Variants in PCDH15 observed in about 807,000 individuals in gnomAD.
PCDH15 encodes the protein protocadherin-15.
A neutral mutation model predicts 178.5 loss-of-function variants in PCDH15; 129 were observed. The observed-to-expected ratio is 0.72, with a 90% confidence interval of 0.63 to 0.84. The LOEUF is 0.84. PCDH15 is among the 40% of genes least tolerant of loss of function. PCDH15 has a pLI of 0.00. For missense variants in PCDH15, 2,230 were observed against 2,099.9 expected (o/e 1.06, Z -1.21); for synonymous variants, 800 against 732.0 (o/e 1.09, Z -1.50).
At chr10:54,716,046 T>C (rs796448383) in intron 1 of PCDH15, among the ~76,000 whole-genome samples, 1 of 152,254 alleles carries the variant, frequency 6.6e-6, no homozygotes, top group African/African-American at 2.4e-5. Flanking sequence ...AGCAGAAGTT[T>C]CTAGAATTCA....
intron 15 of PCDH15, among the ~76,000 whole-genome samples, chr10:54,104,217 T>G (rs2094866135): frequency 2.0e-5 from 3 of 152,182 alleles, no homozygotes; most frequent in Admixed American, 2.0e-4. Flanking sequence ...TTTCCACGAC[T>G]AGGAATGGAG....
chr10:53,982,880 A>G (rs2090783468), intron 21 of PCDH15, among the ~76,000 whole-genome samples: 1 of 152,094 alleles, frequency 6.6e-6, no homozygotes, highest in South Asian at 2.1e-4. Context: ...GGTCCTTAGT[A>G]TCAGGGGAAA....
rs2132097214 is a variant in PCDH15 at position 55,463,971 on chromosome 10, AAGAGAAAGAAAGAAAGAAAGAGAAAG to A, written c.-156+163628_-156+163653del. 4.5e-4 allele frequency among the ~76,000 whole-genome samples: 9 copies of A among 20,184 alleles called. 2 individuals are homozygous for A. Among genetic ancestry groups the A allele is most frequent in the African/African-American group, 4.0e-3 (9 of 2,270 alleles). The allele number at this position is 20,184 out of a possible 152,430, so 13.2% of individuals were successfully genotyped here. ...AAAGAAAGAAAGAAAGAAAGAAAGA[AAGAGAAAGAAAGAAAGAAAGAGAAAG>A]AAAGAAAGAAAGAAAGAAAGAAAGA... On this transcript the variant is annotated intron_variant, in intron 2 of 5. Coordinates refer to the PCDH15 transcript ENST00000613346.
intron 2 of PCDH15, among the ~76,000 whole-genome samples, chr10:55,503,546 C>G (rs187692128): frequency 6.6e-6 from 1 of 150,798 alleles, no homozygotes; most frequent in Non-Finnish European, 1.5e-5. Flanking sequence ...GCATAGGAAG[C>G]CAGAGGACAA....
In PCDH15 at chr10:53,806,516, TA is replaced by T. The variant is rs1451562454; in HGVS notation, c.*62del. 1.5e-6 allele frequency: 2 copies of T among 1,342,832 alleles called. No homozygotes were observed. The highest frequency in any genetic ancestry group is 2.0e-6 in the Non-Finnish European group (2 of 989,636). The allele number at this position is 1,342,832 out of a possible 1,614,324, so 83.2% of individuals were successfully genotyped here. On this transcript the variant is annotated 3_prime_UTR_variant, in exon 38 of 38. Coordinates refer to ENST00000644397, the MANE Select transcript of PCDH15 (RefSeq NM_001384140.1). ...CCATACATTGTTTTCTCAGTGACAATAAAAAGCACAGTTTATTAAAAATGTA... is the reference window on the plus strand; with the variant it reads ...CCATACATTGTTTTCTCAGTGACAATAAAAGCACAGTTTATTAAAAATGTA...
At chr10:53,812,786 A>AG (rs1203145376) in intron 35 of PCDH15, among the ~76,000 whole-genome samples, 1 of 152,046 alleles carries the variant, frequency 6.6e-6, no homozygotes, top group Non-Finnish European at 1.5e-5. Flanking sequence ...ACGAGAAGAG[A>AG]GGGGGGAAAA....
intron 35 of PCDH15, among the ~76,000 whole-genome samples, chr10:53,812,131 A>AGTTAAT (rs2075888067): frequency 6.6e-6 from 1 of 152,202 alleles, no homozygotes; most frequent in Non-Finnish European, 1.5e-5. Flanking sequence ...CAAGAATTTA[A>AGTTAAT]GTTAATGTGT....
At chr10:55,401,025 G>T (rs1055535823) in intron 2 of PCDH15, among the ~76,000 whole-genome samples, 4 of 151,998 alleles carry the variant, frequency 2.6e-5, no homozygotes, top group Admixed American at 1.3e-4. Flanking sequence ...TATACAGCTT[G>T]GTTAGGTTCT....
At chr10:55,114,988 C>T (rs1465832321) in intron 2 of PCDH15, among the ~76,000 whole-genome samples, 1 of 152,028 alleles carries the variant, frequency 6.6e-6, no homozygotes. Context: ...AGCATATTGG[C>T]AATAATGAAA....
chr10:54,418,049 C>A (rs947129048), intron 3 of PCDH15, among the ~76,000 whole-genome samples: 1 of 152,152 alleles, frequency 6.6e-6, no homozygotes, highest in Non-Finnish European at 1.5e-5. Context: ...GCTGGAATTG[C>A]AGGTGCCCAG....
chr10:54,566,656 T>C (rs565386867), intron 2 of PCDH15, among the ~76,000 whole-genome samples: 43 of 152,290 alleles, frequency 2.8e-4, no homozygotes, highest in African/African-American at 8.7e-4. Flanking sequence ...TTCATGTCTT[T>C]TCAAGGCTTG....
At chr10:54,143,582 C>T (rs978351646) in intron 14 of PCDH15, among the ~76,000 whole-genome samples, 4 of 152,054 alleles carry the variant, frequency 2.6e-5, no homozygotes, top group Non-Finnish European at 4.4e-5. Flanking sequence ...ATTGTTAACC[C>T]AACATGAAGC....
At chr10:54,667,977 A>G (rs1276116061) in intron 1 of PCDH15, among the ~76,000 whole-genome samples, 1 of 152,092 alleles carries the variant, frequency 6.6e-6, no homozygotes, top group Non-Finnish European at 1.5e-5. Context: ...TTCCATGTGC[A>G]TTTTATGACA....
chr10:53,930,990 A>G (rs2085012067), intron 25 of PCDH15, among the ~76,000 whole-genome samples: 1 of 152,232 alleles, frequency 6.6e-6, no homozygotes, highest in South Asian at 2.1e-4. Flanking sequence ...ATATGGGAGT[A>G]AAGGAAGAAA....
intron 2 of PCDH15, among the ~76,000 whole-genome samples, chr10:54,646,598 A>T (rs2094134536): frequency 6.6e-6 from 1 of 152,090 alleles, no homozygotes; most frequent in South Asian, 2.1e-4. Context: ...AAATACAATG[A>T]TTAAGAGTGT....
intron 8 of PCDH15, among the ~76,000 whole-genome samples, chr10:54,280,437 CCTG>C (rs1218373726): frequency 2.0e-5 from 3 of 151,660 alleles, no homozygotes; most frequent in African/African-American, 7.2e-5. Context: ...CTCAGCAAGC[CCTG>C]CTATCTCATG....
At chr10:54,746,833 G>A (rs889395657) in intron 1 of PCDH15, among the ~76,000 whole-genome samples, 1 of 152,110 alleles carries the variant, frequency 6.6e-6, no homozygotes, top group Non-Finnish European at 1.5e-5. Flanking sequence ...AAAGTCCAGC[G>A]GACACCACGT....
chr10:55,302,801 T>G (rs530523254), intron 1 of PCDH15, among the ~76,000 whole-genome samples: 1 of 152,162 alleles, frequency 6.6e-6, no homozygotes, highest in East Asian at 1.9e-4. Context: ...CCTTGTAAAC[T>G]TGTCACACAT....
intron 1 of PCDH15, among the ~76,000 whole-genome samples, chr10:54,666,595 A>T (rs2135449927): frequency 6.6e-6 from 1 of 152,144 alleles, no homozygotes; most frequent in Non-Finnish European, 1.5e-5. Context: ...TTGGAAAAAC[A>T]AACATGACAT....
Sources: allele counts gnomAD v4.1 joint callset (sites outside exome capture counted in the v4.1 genomes callset), GRCh38; gene constraint gnomAD v4.1.1; transcripts MANE v1.5; gene names NCBI Gene and HGNC (gene_info 2026-07-23, HGNC 2026-07-21).